PCDHGB1: variants seen among roughly 807,000 people sequenced by gnomAD.
PCDHGB1 encodes the protein protocadherin gamma subfamily B, 1.
Under a neutral mutation model 56.6 loss-of-function variants are expected in PCDHGB1, and 34 were observed. The observed-to-expected ratio is 0.60, with a 90% CI of 0.46 to 0.80. The LOEUF is 0.80. Ranked by LOEUF, PCDHGB1 falls within the 30% of genes least tolerant of loss-of-function variation. The pLI, the probability that PCDHGB1 is intolerant of heterozygous loss-of-function variation, is 0.00. For synonymous variants in PCDHGB1, 561 were observed against 505.9 expected, an observed-to-expected ratio of 1.11 and a Z score of -1.46; for missense variants, 1,278 against 1,204.6, an observed-to-expected ratio of 1.06 and a Z score of -0.90.
At chr5:141,355,220 G>A (rs753002448) in intron 1 of PCDHGB1, 1 of 1,607,994 alleles carries the variant, frequency 6.2e-7, no homozygotes, top group Non-Finnish European at 8.5e-7. Context: ...CCTCCTGCTC[G>A]CCCAGACCAC....
chr5:141,423,268 T>G (rs752667215), intron 1 of PCDHGB1: 1 of 1,613,552 alleles, frequency 6.2e-7, no homozygotes, highest in South Asian at 1.1e-5. Flanking sequence ...CAGCCTCGAG[T>G]CTCTGGCTAA....
At chr5:141,388,471 T>C (rs758013989) in intron 1 of PCDHGB1, 1 of 1,613,844 alleles carries the variant, frequency 6.2e-7, no homozygotes, top group South Asian at 1.1e-5. Context: ...GAGATGGTAT[T>C]GAAGACACCT....
intron 1 of PCDHGB1, chr5:141,400,547 C>T (rs534226736): frequency 2.5e-6 from 4 of 1,613,676 alleles, no homozygotes; most frequent in Non-Finnish European, 3.4e-6. Context: ...TATGTCTATT[C>T]TTTTTCATTA....
chr5:141,362,348 G>T (rs761668802), intron 1 of PCDHGB1: 2 of 1,614,022 alleles, frequency 1.2e-6, no homozygotes, highest in Non-Finnish European at 1.7e-6. Context: ...CCTGGACCTG[G>T]GGTTCTCCCC....
chr5:141,491,817 G>T lies in PCDHGB1; in HGVS notation c.2410-2990G>T. On this transcript the variant is annotated intron_variant, in intron 1 of 3. Transcript: ENST00000523390. The surrounding 1 kb of genome is among the most constrained non-coding windows in gnomAD (Gnocchi z 6.9). ...TCTCCGGCCGGCTTGGTCGCTGGCT[G>T]CGCTCCACCCGATTCTCGGGATCAT... 1.3e-6 allele frequency: 2 copies of T among 1,484,188 alleles called. No homozygotes were observed. The highest frequency in any genetic ancestry group is 1.8e-6 in the Non-Finnish European group (2 of 1,117,664). 91.9% of individuals were successfully genotyped at this position (1,484,188 alleles called of 1,614,324 possible).
chr5:141,432,874 G>A lies in PCDHGB1; in HGVS notation c.2410-61933G>A, dbSNP rs2097545539. 2 of 1,614,176 alleles carry A rather than the reference G, an allele frequency of 1.2e-6. No homozygotes were observed. The highest frequency in any genetic ancestry group is 1.7e-6 in the Non-Finnish European group (2 of 1,180,014). Reference sequence around the variant, plus strand: ...TGGCCGCGGTCTCCTGCGTCTTCCTGGCCTTCGTCATCTTGCTGCTGGCGC... The same window carrying A: ...TGGCCGCGGTCTCCTGCGTCTTCCTAGCCTTCGTCATCTTGCTGCTGGCGC... On this transcript the variant is annotated intron_variant, in intron 1 of 3. Transcript: ENST00000523390. This position sits in a 1 kb window ranked among gnomAD's most constrained non-coding sequence, Gnocchi z 6.0.
rs1384951887 is a variant in PCDHGB1, at chr5:141,465,860, T to C, written c.2410-28947T>C. ...AACTGAGGCTGGGCCCAGTGGCTCA[T>C]GCCTGTAATCCCAGCACTTTGGGAG... On this transcript the variant is annotated intron_variant, in intron 1 of 3. Coordinates refer to ENST00000523390, the MANE Select transcript of PCDHGB1 (RefSeq NM_018922.3). Among the ~76,000 whole-genome samples the C allele has an allele frequency of 2.0e-5, 3 of 152,114 alleles. No individual in the cohort carries two copies. The South Asian group carries it at 6.2e-4, about 32-fold the overall frequency.
rs1367772661 is a variant in PCDHGB1, at chr5:141,512,193, GGAAGCTC to G, written c.*1026_*1032del. 2.0e-5 allele frequency: 3 copies of G among 152,756 alleles called. No homozygotes were observed. Among genetic ancestry groups the G allele is most frequent in the Non-Finnish European group, 4.4e-5 (3 of 68,136 alleles). 9.5% of individuals were successfully genotyped at this position (152,756 alleles called of 1,614,324 possible). ...GGATTAAACTGGCATTTCAGTCCAAGGAAGCTCGAAGCAGGTTTAGGACCAGGTCCCC... is the reference window on the plus strand; with the variant it reads ...GGATTAAACTGGCATTTCAGTCCAAGGAAGCAGGTTTAGGACCAGGTCCCC... On this transcript the variant is annotated 3_prime_UTR_variant, in exon 4 of 4. Coordinates refer to ENST00000523390, the MANE Select transcript of PCDHGB1 (RefSeq NM_018922.3).
At chr5:141,484,943 C>T (rs542244720) in intron 1 of PCDHGB1, 14 of 546,098 alleles carry the variant, frequency 2.6e-5, no homozygotes, top group African/African-American at 2.3e-4. Flanking sequence ...GTTCTCTGCT[C>T]AGCCTATTGG....
chr5:141,486,894 C>T lies in PCDHGB1; in HGVS notation c.2410-7913C>T. 1 of 1,614,228 alleles carries T rather than the reference C, an allele frequency of 6.2e-7. No homozygotes were observed. Among genetic ancestry groups the T allele is most frequent in the Non-Finnish European group, 8.5e-7 (1 of 1,180,052 alleles). On this transcript the variant is annotated intron_variant, in intron 1 of 3. Transcript: ENST00000523390. The surrounding 1 kb of genome is among the most constrained non-coding windows in gnomAD (Gnocchi z 5.0). ...CTCCGTCCTCGGGCCCGGCCTGGTT[C>T]CTTATGTCCCCAAGCACTGCCTCCA...
At chr5:141,397,961 G>A in intron 1 of PCDHGB1, 1 of 1,038,400 alleles carries the variant, frequency 9.6e-7, no homozygotes, top group Non-Finnish European at 1.4e-6. Context: ...CCCCAGCTCA[G>A]ACTCCCCAGC....
At chr5:141,387,637 G>C in intron 1 of PCDHGB1, 1 of 603,262 alleles carries the variant, frequency 1.7e-6, no homozygotes, top group Non-Finnish European at 2.8e-6. Flanking sequence ...GGGCGCCGCT[G>C]TTGGCCAAAG....
In PCDHGB1 at chr5:141,486,049, C is replaced by T. The variant is rs766853468; in HGVS notation, c.2410-8758C>T. 1 of 1,614,206 alleles carries T rather than the reference C, an allele frequency of 6.2e-7. No homozygotes were observed. The highest frequency in any genetic ancestry group is 8.5e-7 in the Non-Finnish European group (1 of 1,180,034). ...ATACCCCTGATCGTGTAAGAAACCT[C>T]TTTAGCCTGCACCCCACTACTGGAA... On this transcript the variant is annotated intron_variant, in intron 1 of 3. Transcript: ENST00000523390. The surrounding 1 kb of genome is among the most constrained non-coding windows in gnomAD (Gnocchi z 5.0).
chr5:141,422,228 T>C (rs1561800204), intron 1 of PCDHGB1: 1 of 1,565,566 alleles, frequency 6.4e-7, no homozygotes, highest in Non-Finnish European at 8.6e-7. Flanking sequence ...ACCACGACGA[T>C]GTTGATCACT....
intron 1 of PCDHGB1, chr5:141,400,212 C>A (rs773459521): frequency 6.2e-7 from 1 of 1,614,058 alleles, no homozygotes; most frequent in East Asian, 2.2e-5. Context: ...TGGCCTTGAT[C>A]TCAGTGCTCT....
At chr5:141,466,123 A>G (rs961197575) in intron 1 of PCDHGB1, among the ~76,000 whole-genome samples, 1 of 151,364 alleles carries the variant, frequency 6.6e-6, no homozygotes, top group African/African-American at 2.4e-5. Flanking sequence ...CTCCAGCTCA[A>G]AAAAAAAATC....
chr5:141,364,385 C>T, intron 1 of PCDHGB1: 1 of 1,591,060 alleles, frequency 6.3e-7, no homozygotes, highest in Non-Finnish European at 8.6e-7. Context: ...GCCCTTCATG[C>T]TCCTGGGGAC....
chr5:141,423,082 G>A (rs1390567548), intron 1 of PCDHGB1: 3 of 1,614,078 alleles, frequency 1.9e-6, no homozygotes, highest in Admixed American at 1.7e-5. Flanking sequence ...GGGACTCTTC[G>A]CGGTGGGGGA....
chr5:141,505,577 G>A lies in PCDHGB1; in HGVS notation c.2557+96G>A, dbSNP rs537948666. 8.2e-6 allele frequency: 13 copies of A among 1,589,854 alleles called. No homozygotes were observed. The African/African-American group carries it at 1.1e-4, about 13-fold the overall frequency. Reference sequence around the variant, plus strand: ...TGCCCACGGACTGGATGTCAAACCTGTGTAGTTTCTCCAGATCTTTCGGCA... The same window carrying A: ...TGCCCACGGACTGGATGTCAAACCTATGTAGTTTCTCCAGATCTTTCGGCA... On this transcript the variant is annotated intron_variant, in intron 3 of 3. Coordinates refer to ENST00000523390, the MANE Select transcript of PCDHGB1 (RefSeq NM_018922.3).
Sources: allele counts gnomAD v4.1 joint callset (sites outside exome capture counted in the v4.1 genomes callset), GRCh38; gene constraint gnomAD v4.1.1; non-coding constraint Gnocchi (gnomAD v3.1); transcripts MANE v1.5; gene names NCBI Gene and HGNC (gene_info 2026-07-23, HGNC 2026-07-21).